Variants in AMMECR1 observed in about 807,000 individuals in gnomAD.
The protein encoded by AMMECR1 is AMMECR nuclear protein 1.
A neutral mutation model predicts 22.5 loss-of-function variants in AMMECR1; 3 were observed. That is an observed-to-expected ratio of 0.13 (90% CI 0.06 to 0.35). AMMECR1 has a LOEUF of 0.35. Ranked by LOEUF, AMMECR1 falls within the 10% of genes least tolerant of loss-of-function variation. AMMECR1 has a pLI of 1.00. For synonymous variants in AMMECR1, 130 were observed against 116.7 expected (o/e 1.11, Z -0.74); for missense variants, 235 against 278.7 (o/e 0.84, Z 1.12).
At chrX:110,368,951 G>A (rs1195214960) in intron 2 of AMMECR1, among the ~76,000 whole-genome samples, 1 of 112,146 alleles carries the variant, frequency 8.9e-6, no homozygotes, top group Non-Finnish European at 1.9e-5. Flanking sequence ...ATGTCTGGTA[G>A]TGAGTTTAGT....
At chrX:110,257,798 C>T (rs1011711323) in intron 2 of AMMECR1, among the ~76,000 whole-genome samples, 1 of 111,702 alleles carries the variant, frequency 9.0e-6, no homozygotes, top group African/African-American at 3.3e-5. Context: ...CCTAGGACTA[C>T]AATTATTTCG....
rs145419568 is a variant in AMMECR1 at position 110,401,492 on chromosome X, A to G, written c.-148+25166T>C. Reference sequence around the variant, plus strand: ...TAACCTAACCTTTTCCAGAGCACATATTATATTTATTGGTGCCTTCCCAGA... The same window carrying G: ...TAACCTAACCTTTTCCAGAGCACATGTTATATTTATTGGTGCCTTCCCAGA... On this transcript the variant is annotated intron_variant, in intron 2 of 7. Transcript: ENST00000372057. 5.6e-3 allele frequency among the ~76,000 whole-genome samples: 626 copies of G among 111,294 alleles called. 5 individuals carry two copies. The highest frequency in any genetic ancestry group is 0.02 in the African/African-American group (607 of 30,602).
intron 4 of AMMECR1, 63 bp downstream of exon 4, chrX:110,202,383 T>G: frequency 1.1e-6 from 1 of 907,227 alleles, no homozygotes; most frequent in Non-Finnish European, 1.6e-6. Flanking sequence ...AGATAACGCA[T>G]TTCAGTTTGT....
At chrX:110,394,069 C>T (rs1206242904) in intron 2 of AMMECR1, among the ~76,000 whole-genome samples, 1 of 112,226 alleles carries the variant, frequency 8.9e-6, no homozygotes, top group Non-Finnish European at 1.9e-5. Context: ...TATTCCTTGA[C>T]CTGACCCGCC....
At chrX:110,244,756 A>G (rs1448860351) in intron 2 of AMMECR1, among the ~76,000 whole-genome samples, 1 of 112,215 alleles carries the variant, frequency 8.9e-6, no homozygotes, top group Non-Finnish European at 1.9e-5. Context: ...ACCTTATGTC[A>G]GCCTGATATA....
At chrX:110,307,596 C>T (rs2068003198) in intron 1 of AMMECR1, among the ~76,000 whole-genome samples, 1 of 111,075 alleles carries the variant, frequency 9.0e-6, no homozygotes. Context: ...GAAGATATGT[C>T]TGAATACCTG....
chrX:110,359,312 T>C (rs1389318478), intron 2 of AMMECR1, among the ~76,000 whole-genome samples: 2 of 111,563 alleles, frequency 1.8e-5, no homozygotes, highest in Non-Finnish European at 3.8e-5. Context: ...TTTTCACCCA[T>C]GAACCCTCTA....
At position 110,194,704 on chromosome X, in the gene AMMECR1, C is replaced by T. The variant is rs1353684701; in HGVS notation, c.*3816G>A. 1.8e-5 allele frequency: 2 copies of T among 112,095 alleles called. No homozygotes were observed. Among genetic ancestry groups the T allele is most frequent in the Non-Finnish European group, 3.8e-5 (2 of 53,240 alleles). 9.2% of individuals were successfully genotyped at this position (112,095 alleles called of 1,213,427 possible). Reference sequence around the variant, plus strand: ...GTTACAAAAGTTTGTTTGCTCAGTGCGTCTATGTACCAGCGCAGTTACTGG... The same window carrying T: ...GTTACAAAAGTTTGTTTGCTCAGTGTGTCTATGTACCAGCGCAGTTACTGG... On this transcript the variant is annotated 3_prime_UTR_variant, in exon 6 of 6. Coordinates refer to ENST00000262844, the MANE Select transcript of AMMECR1 (RefSeq NM_015365.3).
intron 2 of AMMECR1, among the ~76,000 whole-genome samples, chrX:110,228,793 T>G (rs1219165331): frequency 8.9e-6 from 1 of 112,060 alleles, no homozygotes; most frequent in Admixed American, 9.5e-5. Flanking sequence ...CTCCTCATCT[T>G]GCTTATACGC....
chrX:110,281,936 T>C (rs1037861776), intron 1 of AMMECR1, among the ~76,000 whole-genome samples: 4 of 112,125 alleles, frequency 3.6e-5, no homozygotes, highest in Non-Finnish European at 3.8e-5. Flanking sequence ...CCCTGACACA[T>C]AGTAAGGGCT....
At chrX:110,414,448 G>T (rs917203558) in intron 2 of AMMECR1, among the ~76,000 whole-genome samples, 2 of 112,544 alleles carry the variant, frequency 1.8e-5, no homozygotes, top group African/African-American at 6.5e-5. Context: ...GATATGTATC[G>T]AGTGTCTTCT....
chrX:110,345,496 A>T (rs779758605), intron 2 of AMMECR1, among the ~76,000 whole-genome samples: 4,408 of 107,120 alleles, frequency 0.041, 228 homozygotes, highest in African/African-American at 0.15. Context: ...AAGTGTAATA[A>T]AAAAAATATA....
intron 2 of AMMECR1, among the ~76,000 whole-genome samples, chrX:110,409,158 CG>C (rs1340926424): frequency 1.8e-5 from 2 of 110,233 alleles, no homozygotes; most frequent in Non-Finnish European, 1.9e-5. Flanking sequence ...TCAGCATAGT[CG>C]GGGTATATAA....
chrX:110,317,617 CG>C lies in AMMECR1; in HGVS notation c.454del (p.Arg152AspfsTer11), dbSNP rs1569405174. On this transcript the variant is annotated frameshift_variant, in exon 1 of 6. Coordinates refer to ENST00000262844, the MANE Select transcript of AMMECR1 (RefSeq NM_015365.3). LOFTEE classifies it high-confidence loss of function. ...TACTCACTAGGGCTCGTTGGTGAAT[CG>C]GGGGGTCCGGGGCTGCTGGTATCCA... The part of the protein sequence containing the change: ...LYGYQQPRTP[R>X]FTNEPYPLFV... 2 of 1,191,976 alleles carry C rather than the reference CG, an allele frequency of 1.7e-6. No homozygotes were observed. The highest frequency in any genetic ancestry group is 2.2e-5 in the Admixed American group (1 of 44,625).
intron 2 of AMMECR1, among the ~76,000 whole-genome samples, chrX:110,374,954 T>C (rs766307316): frequency 9.0e-6 from 1 of 110,953 alleles, no homozygotes; most frequent in Non-Finnish European, 1.9e-5. Context: ...TAAAGGAAAT[T>C]ATATGTTTTC....
chrX:110,374,755 G>A (rs1361735571), intron 2 of AMMECR1, among the ~76,000 whole-genome samples: 4 of 110,803 alleles, frequency 3.6e-5, no homozygotes, highest in Non-Finnish European at 7.6e-5. Context: ...GAGGTAAGAA[G>A]AGTGATAAGG....
At chrX:110,276,892 G>A (rs894047612) in intron 1 of AMMECR1, among the ~76,000 whole-genome samples, 7 of 110,844 alleles carry the variant, frequency 6.3e-5, no homozygotes, top group Admixed American at 3.9e-4. Flanking sequence ...TCCTATCTCT[G>A]TCTCACCAAT....
At chrX:110,284,240 G>A (rs755750906) in intron 1 of AMMECR1, among the ~76,000 whole-genome samples, 2 of 112,135 alleles carry the variant, frequency 1.8e-5, no homozygotes, top group African/African-American at 6.5e-5. Context: ...CAGAACCAGA[G>A]GGGGGAAAAA....
chrX:110,379,681 C>T (rs1477618354), intron 2 of AMMECR1, among the ~76,000 whole-genome samples: 1 of 112,188 alleles, frequency 8.9e-6, no homozygotes, highest in Non-Finnish European at 1.9e-5. Context: ...TGTAAACATA[C>T]TCCTGAAGGA....
Sources: allele counts gnomAD v4.1 joint callset (sites outside exome capture counted in the v4.1 genomes callset), GRCh38; gene constraint gnomAD v4.1.1; transcripts MANE v1.5; gene names NCBI Gene and HGNC (gene_info 2026-07-23, HGNC 2026-07-21).